CYP2J2: variants seen among roughly 807,000 people sequenced by gnomAD.
The protein encoded by CYP2J2 is cytochrome P450 family 2 subfamily J member 2.
Under a neutral mutation model 48.8 loss-of-function variants are expected in CYP2J2, and 41 were observed. The observed-to-expected ratio is 0.84, with a 90% CI of 0.66 to 1.09. The LOEUF (loss-of-function observed/expected upper bound fraction) is 1.09, where lower values mean the gene tolerates loss of function less well. CYP2J2 is among the 50% of genes least tolerant of loss of function. CYP2J2 has a pLI of 0.00. For missense variants in CYP2J2, 644 were observed against 617.3 expected, an observed-to-expected ratio of 1.04 and a Z score of -0.46; for synonymous variants, 221 against 227.1, an observed-to-expected ratio of 0.97 and a Z score of 0.24.
At chr1:59,918,595 A>C (rs1644486530) in intron 1 of CYP2J2, among the ~76,000 whole-genome samples, 1 of 152,090 alleles carries the variant, frequency 6.6e-6, no homozygotes, top group Admixed American at 6.5e-5. Flanking sequence ...GAAAGATTAA[A>C]TGACCCAGAG....
rs186560946 is a variant in CYP2J2 at position 59,916,058 on chromosome 1, C to T, written c.253G>A (p.Asp85Asn). ...CCAGTAATAAGAACTGCAGATATGT[C>T]ACCAAGCTCCAAGCTAAAAAGGTTC... is the stretch of plus-strand genomic sequence containing the variant. ...YGNLFSLELGDISAVLITGLP... is the reference protein window; with the variant it reads ...YGNLFSLELGNISAVLITGLP... The change falls in exon 2 of 9, where the codon GAC becomes AAC. Residue 85 changes from aspartate to asparagine, a missense_variant. Physicochemically the swap from Asp to Asn is conservative, Grantham distance 23. Coordinates refer to ENST00000371204, the MANE Select transcript of CYP2J2 (RefSeq NM_000775.4). 54 of 1,613,170 alleles carry T rather than the reference C, an allele frequency of 3.3e-5. 1 individual carries two copies. In the Admixed American group the frequency reaches 6.5e-4, roughly 19 times the overall value.
chr1:59,966,326 G>A, the CYP2J2 span, among the ~76,000 whole-genome samples: 3 of 152,024 alleles, frequency 2.0e-5, no homozygotes, highest in South Asian at 2.1e-4. Flanking sequence ...TCCTTTCATG[G>A]AGACATTAAT....
chr1:59,915,932 A>G lies in CYP2J2; in HGVS notation c.373+6T>C. On this transcript the variant is annotated splice_donor_region_variant and intron_variant, in intron 2 of 8. Transcript: ENST00000371204. ...ACACTCACCTTTCGTTGGCCAAGAAACTTACCATTTTTCTTAAAGATATGT... is the reference window on the plus strand; with the variant it reads ...ACACTCACCTTTCGTTGGCCAAGAAGCTTACCATTTTTCTTAAAGATATGT... 9 of 1,611,462 alleles carry G rather than the reference A, an allele frequency of 5.6e-6. No individual in the cohort carries two copies. The highest frequency in any genetic ancestry group is 7.6e-6 in the Non-Finnish European group (9 of 1,179,032).
chr1:59,968,462 G>A, the CYP2J2 span, among the ~76,000 whole-genome samples: 2 of 151,750 alleles, frequency 1.3e-5, no homozygotes, highest in East Asian at 3.9e-4. Flanking sequence ...GACGCTTGGA[G>A]GGCCTGGAGT....
rs1644244629 is a variant in CYP2J2, at chr1:59,893,743, G to C, written c.1417C>G (p.Pro473Ala). The change falls in exon 9 of 9, where the codon CCC (proline) becomes GCC (alanine). Residue 473 changes from proline to alanine, a missense_variant. By Grantham distance (27) the Pro-to-Ala change is conservative. Transcript: ENST00000371204. ...TSLMQKFTFRPPNNEKLSLKF... is the reference protein window; with the variant it reads ...TSLMQKFTFRAPNNEKLSLKF... ...AGGCTCAGCTTCTCATTGTTTGGGG[G>C]CCTGAAGGTAAATTTTTGCATAAGG... The C allele has an allele frequency of 4.3e-6, 7 of 1,613,282 alleles. No homozygotes were observed. In the East Asian group the frequency reaches 1.3e-4, roughly 31 times the overall value.
chr1:59,895,299 C>T (rs1159930876), intron 8 of CYP2J2, among the ~76,000 whole-genome samples: 1 of 152,184 alleles, frequency 6.6e-6, no homozygotes, highest in Non-Finnish European at 1.5e-5. Context: ...ACTTTCACGG[C>T]TTTGGCCTTT....
At chr1:59,958,060 T>G in the CYP2J2 span, among the ~76,000 whole-genome samples, 8 of 152,144 alleles carry the variant, frequency 5.3e-5, no homozygotes, top group Admixed American at 5.2e-4. Flanking sequence ...TATTTCTCTC[T>G]TTACTGCTAA....
chr1:59,921,493 G>A (rs891675258), intron 1 of CYP2J2, among the ~76,000 whole-genome samples: 1 of 151,992 alleles, frequency 6.6e-6, no homozygotes, highest in Non-Finnish European at 1.5e-5. Flanking sequence ...TCTGGGAATG[G>A]AATGCAACCC....
chr1:59,959,138 A>T, the CYP2J2 span, among the ~76,000 whole-genome samples: 53 of 152,178 alleles, frequency 3.5e-4, no homozygotes, highest in East Asian at 9.8e-3. Flanking sequence ...TGCATGATTA[A>T]TTTCTCCCTG....
Position 59,912,230 on chromosome 1 carries a change from T to C in CYP2J2, c.455A>G (p.Lys152Arg), listed in dbSNP as rs1291232561. 1.9e-6 allele frequency: 3 copies of C among 1,613,840 alleles called. No homozygotes were observed. In the African/African-American group the frequency reaches 4.0e-5, roughly 22 times the overall value. Reference protein sequence around the residue: ...LTALRNFGLGKKSLEERIQEE... With the variant: ...LTALRNFGLGRKSLEERIQEE... ...CTGAATGCGTTCCTCTAAGCTCTTCTTTCCTAAACCAAAGTTCCTTAGTGC... is the reference window on the plus strand; with the variant it reads ...CTGAATGCGTTCCTCTAAGCTCTTCCTTCCTAAACCAAAGTTCCTTAGTGC... Residue 152 changes from lysine to arginine, a missense_variant, in exon 3 of 9, where the codon AAG becomes AGG. Physicochemically the swap from Lys to Arg is conservative, Grantham distance 26. Transcript: ENST00000371204.
chr1:59,960,826 C>T, the CYP2J2 span, among the ~76,000 whole-genome samples: 1 of 152,084 alleles, frequency 6.6e-6, no homozygotes, highest in Non-Finnish European at 1.5e-5. Context: ...CTGGGTGGAG[C>T]AAGACTCCAT....
chr1:59,904,812 CT>C (rs1201816969), intron 7 of CYP2J2, 58 bp downstream of exon 7: 1 of 1,416,640 alleles, frequency 7.1e-7, no homozygotes, highest in African/African-American at 1.4e-5. Flanking sequence ...ATAAATGTCA[CT>C]TCTCAAGTTC....
At chr1:59,962,910 T>C in the CYP2J2 span, among the ~76,000 whole-genome samples, 1 of 152,256 alleles carries the variant, frequency 6.6e-6, no homozygotes, top group African/African-American at 2.4e-5. Context: ...ATCCAGTTTC[T>C]GAATGCTTTT....
At chr1:59,966,069 G>A in the CYP2J2 span, among the ~76,000 whole-genome samples, 1 of 152,116 alleles carries the variant, frequency 6.6e-6, no homozygotes, top group Non-Finnish European at 1.5e-5. Context: ...AATTTATTTT[G>A]GAAGGCTTGT....
the CYP2J2 span, among the ~76,000 whole-genome samples, chr1:59,939,391 A>G: frequency 6.6e-6 from 1 of 152,186 alleles, no homozygotes; most frequent in Non-Finnish European, 1.5e-5. Context: ...CAGGCTTACA[A>G]GTAAAAAACT....
At chr1:59,902,787 C>T (rs1052520616) in intron 7 of CYP2J2, among the ~76,000 whole-genome samples, 1 of 152,156 alleles carries the variant, frequency 6.6e-6, no homozygotes, top group African/African-American at 2.4e-5. Context: ...TCTCATTTTA[C>T]CTCCATGTGG....
Position 59,918,551 on chromosome 1 carries a change from G to A in CYP2J2, c.211-2451C>T, listed in dbSNP as rs190515814. ...GATGGCGATGTCTAACAATTCTTAC[G>A]TGCACCCTGTCAGTCATTTTATCCA... On this transcript the variant is annotated intron_variant, in intron 1 of 8. Coordinates refer to ENST00000371204, the MANE Select transcript of CYP2J2 (RefSeq NM_000775.4). 7.4e-4 allele frequency among the ~76,000 whole-genome samples: 112 copies of A among 152,016 alleles called. No individual in the cohort carries two copies. The Middle Eastern group carries it at 0.01, about 14-fold the overall frequency.
rs559258229 is a variant in CYP2J2, at chr1:59,898,086, G to A, written c.1330+2879C>T. ...GAATTTCATTCTTCTCAGTCAGAAA[G>A]AGAGATGGTAAGAACAAAGCAGCCT... is the stretch of plus-strand genomic sequence containing the variant. On this transcript the variant is annotated intron_variant, in intron 8 of 8. Transcript: ENST00000371204. Among the ~76,000 whole-genome samples the A allele has an allele frequency of 2.6e-5, 4 of 152,324 alleles. No individual in the cohort carries two copies. The South Asian group carries it at 6.2e-4, about 24-fold the overall frequency.
intron 7 of CYP2J2, among the ~76,000 whole-genome samples, chr1:59,901,507 A>C (rs1644319682): frequency 6.6e-6 from 1 of 152,168 alleles, no homozygotes; most frequent in African/African-American, 2.4e-5. Context: ...AGCTCTACAA[A>C]GGTAAAAGAC....
Sources: gnomAD v4.1 joint callset for allele counts (sites outside exome capture counted in the v4.1 genomes callset) on GRCh38, gnomAD v4.1.1 for gene constraint, MANE v1.5 for transcripts, NCBI Gene and HGNC (gene_info 2026-07-23, HGNC 2026-07-21) for gene names.